SLC35D4: variants seen among roughly 807,000 people sequenced by gnomAD.
The protein encoded by SLC35D4 is solute carrier family 35 member D4.
At chr18:23,307,659 G>T in the SLC35D4 span, among the ~76,000 whole-genome samples, 2 of 152,230 alleles carry the variant, frequency 1.3e-5, no homozygotes, top group African/African-American at 4.8e-5. Flanking sequence ...TCACAGCTGG[G>T]TCCTCTCCGA....
chr18:23,417,561 A>G, the SLC35D4 span, among the ~76,000 whole-genome samples: 13 of 152,342 alleles, frequency 8.5e-5, no homozygotes, highest in South Asian at 2.5e-3. Context: ...TACAGAGTTT[A>G]TGTTTGGAAT....
At chr18:23,281,133 G>C in the SLC35D4 span, among the ~76,000 whole-genome samples, 3 of 152,168 alleles carry the variant, frequency 2.0e-5, no homozygotes, top group Admixed American at 2.0e-4. Context: ...GAGGGGAGGA[G>C]GGTGGGATGA....
At chr18:23,274,898 T>C in the SLC35D4 span, among the ~76,000 whole-genome samples, 1 of 152,168 alleles carries the variant, frequency 6.6e-6, no homozygotes, top group Non-Finnish European at 1.5e-5. Flanking sequence ...GGCAGGCGTG[T>C]GAATGCGGGA....
At chr18:23,309,857 A>G in the SLC35D4 span, 7 of 952,772 alleles carry the variant, frequency 7.3e-6, no homozygotes, top group South Asian at 9.5e-5. Flanking sequence ...GCCATCAGGC[A>G]CTTCGTTCCA....
the SLC35D4 span, among the ~76,000 whole-genome samples, chr18:23,409,709 T>C: frequency 6.6e-6 from 1 of 152,246 alleles, no homozygotes; most frequent in South Asian, 2.1e-4. Flanking sequence ...CTGGGCATGG[T>C]GGCACATGCT....
chr18:23,353,882 G>C, the SLC35D4 span, among the ~76,000 whole-genome samples: 1 of 152,122 alleles, frequency 6.6e-6, no homozygotes, highest in Non-Finnish European at 1.5e-5. Flanking sequence ...AATCATAGCA[G>C]TCCTCATCCT....
the SLC35D4 span, among the ~76,000 whole-genome samples, chr18:23,360,197 G>A: frequency 6.6e-6 from 1 of 152,212 alleles, no homozygotes. Context: ...ACATACTGCT[G>A]GGTGGGAGTG....
chr18:23,410,503 G>A, the SLC35D4 span, among the ~76,000 whole-genome samples: 3,576 of 147,346 alleles, frequency 0.024, 141 homozygotes, highest in African/African-American at 0.086. Context: ...GTGCATTAAA[G>A]TTCGTAACTG....
the SLC35D4 span, among the ~76,000 whole-genome samples, chr18:23,411,488 A>G: frequency 1.2e-5 from 1 of 85,048 alleles, no homozygotes; most frequent in African/African-American, 4.9e-5. Context: ...AGAGATAGAA[A>G]GAAAGAAAGA....
chr18:23,351,423 A>G, the SLC35D4 span, among the ~76,000 whole-genome samples: 2 of 4,564 alleles, frequency 4.4e-4, no homozygotes, highest in Non-Finnish European at 0.033. Context: ...AAACAAAACA[A>G]AAACAAAAAC....
chr18:23,418,245 G>T, the SLC35D4 span, among the ~76,000 whole-genome samples: 22 of 151,756 alleles, frequency 1.4e-4, no homozygotes, highest in African/African-American at 5.3e-4. Flanking sequence ...ATATAACATG[G>T]TCAGGTACAT....
chr18:23,245,013 T>C, the SLC35D4 span, among the ~76,000 whole-genome samples: 1 of 152,224 alleles, frequency 6.6e-6, no homozygotes, highest in African/African-American at 2.4e-5. Context: ...ACCAACAACC[T>C]GTCTGCTCTG....
the SLC35D4 span, among the ~76,000 whole-genome samples, chr18:23,370,618 A>G: frequency 6.6e-6 from 1 of 152,216 alleles, no homozygotes; most frequent in Non-Finnish European, 1.5e-5. Flanking sequence ...AACATTTCTG[A>G]GCTGTGTTAA....
the SLC35D4 span, among the ~76,000 whole-genome samples, chr18:23,305,165 T>C: frequency 2.6e-4 from 40 of 152,256 alleles, no homozygotes; most frequent in Admixed American, 1.9e-3. Flanking sequence ...AAATGTCTAC[T>C]GGACATTCTT....
At chr18:23,433,964 T>C in the SLC35D4 span, among the ~76,000 whole-genome samples, 2 of 152,266 alleles carry the variant, frequency 1.3e-5, no homozygotes, top group Admixed American at 6.5e-5. Flanking sequence ...TAATAGAATA[T>C]GCTCATAGTA....
the SLC35D4 span, among the ~76,000 whole-genome samples, chr18:23,378,367 A>G: frequency 6.6e-6 from 1 of 152,034 alleles, no homozygotes; most frequent in Non-Finnish European, 1.5e-5. Flanking sequence ...GTCTCTTTAA[A>G]TATTCCATTC....
At chr18:23,437,303 C>G in the SLC35D4 span, among the ~76,000 whole-genome samples, 1 of 152,026 alleles carries the variant, frequency 6.6e-6, no homozygotes, top group Non-Finnish European at 1.5e-5. Context: ...ACAATGGAGA[C>G]GTACAAAAAA....
chr18:23,253,055 C>T, the SLC35D4 span: 1 of 1,607,258 alleles, frequency 6.2e-7, no homozygotes, highest in Non-Finnish European at 8.5e-7. Context: ...TGACACTCAG[C>T]AAAATTAGGA....
the SLC35D4 span, among the ~76,000 whole-genome samples, chr18:23,308,278 G>A: frequency 6.6e-6 from 1 of 152,106 alleles, no homozygotes; most frequent in Non-Finnish European, 1.5e-5. Flanking sequence ...CCATGGCCAA[G>A]GCACAGAAAG....
Sources: allele counts gnomAD v4.1 joint callset (sites outside exome capture counted in the v4.1 genomes callset), GRCh38; gene constraint gnomAD v4.1.1; transcripts MANE v1.5; gene names NCBI Gene and HGNC (gene_info 2026-07-23, HGNC 2026-07-21).